Variants in PEG3 observed in about 807,000 individuals in gnomAD.
PEG3 encodes paternally-expressed gene 3 protein.
In PEG3, 23 loss-of-function variants were observed where a neutral mutation model predicts 35.5. The observed-to-expected ratio is 0.65, with a 90% CI of 0.47 to 0.92. The LOEUF is 0.92. Ranked by LOEUF, PEG3 falls within the 40% of genes least tolerant of loss-of-function variation. The probability of loss-of-function intolerance (pLI) is 0.00; values close to 1 mark genes in which losing one functional copy is unlikely to be tolerated. For synonymous variants in PEG3, 707 were observed against 697.0 expected, an observed-to-expected ratio of 1.01 and a Z score of -0.23; for missense variants, 1,960 against 1,985.3, an observed-to-expected ratio of 0.99 and a Z score of 0.24.
At chr19:56,831,894 C>T (rs887486288) in intron 2 of PEG3, among the ~76,000 whole-genome samples, 24 of 152,110 alleles carry the variant, frequency 1.6e-4, no homozygotes, top group African/African-American at 5.8e-4. Flanking sequence ...TGAGAATGTC[C>T]ACACAATGGA....
rs35291043 is a variant in PEG3, at chr19:56,817,509, G to C, written c.933C>G (p.His311Gln). 1.9e-6 allele frequency: 3 copies of C among 1,609,744 alleles called. No individual in the cohort carries two copies. Among genetic ancestry groups the C allele is most frequent in the Non-Finnish European group, 2.5e-6 (3 of 1,177,334 alleles). ...TGATGAATTTTTCCATTATCACTCCGTGGGAAGATTCATCTTCACAAATCC... is the reference window on the plus strand; with the variant it reads ...TGATGAATTTTTCCATTATCACTCCCTGGGAAGATTCATCTTCACAAATCC... ...RRGICEDESS[H>Q]GVIMEKFIKD... Residue 311 changes from histidine to glutamine, a missense_variant, in exon 10 of 10, where the codon CAC becomes CAG. Coordinates refer to ENST00000326441, the MANE Select transcript of PEG3 (RefSeq NM_006210.3).
At chr19:56,822,537 A>T in intron 6 of PEG3, 1 of 520,172 alleles carries the variant, frequency 1.9e-6, no homozygotes, top group Non-Finnish European at 3.3e-6. Context: ...ATACTGAGCA[A>T]ATAGTTTAGG....
chr19:56,828,381 C>A (rs757131219), intron 2 of PEG3, among the ~76,000 whole-genome samples: 1 of 152,194 alleles, frequency 6.6e-6, no homozygotes, highest in Non-Finnish European at 1.5e-5. Context: ...AAATACAATG[C>A]CATCCCCTAT....
intron 2 of PEG3, among the ~76,000 whole-genome samples, chr19:56,828,218 T>C (rs1371795855): frequency 6.6e-6 from 1 of 152,092 alleles, no homozygotes; most frequent in Non-Finnish European, 1.5e-5. Context: ...TCCATAGTCA[T>C]ACCCTAACCT....
chr19:56,810,956 G>T lies in PEG3; in HGVS notation c.*2719C>A. Reference sequence around the variant, plus strand: ...AACATTTGAAAAAATTAAAGTGAAAGTATTTAACCATAATTCCACAAAGGT... The same window carrying T: ...AACATTTGAAAAAATTAAAGTGAAATTATTTAACCATAATTCCACAAAGGT... On this transcript the variant is annotated 3_prime_UTR_variant, in exon 10 of 10. Transcript: ENST00000326441. The T allele has an allele frequency of 1.0e-6, 1 of 969,846 alleles. No homozygotes were observed. Among genetic ancestry groups the T allele is most frequent in the African/African-American group, 1.8e-5 (1 of 57,036 alleles). The allele number at this position is 969,846 out of a possible 1,614,324, so 60.1% of individuals were successfully genotyped here.
Position 56,816,134 on chromosome 19 carries a change from C to T in PEG3, c.2308G>A (p.Glu770Lys), listed in dbSNP as rs1343608787. 6.2e-6 allele frequency: 10 copies of T among 1,613,638 alleles called. No individual in the cohort carries two copies. Among genetic ancestry groups the T allele is most frequent in the East Asian group, 4.5e-5 (2 of 44,884 alleles). Residue 770 changes from glutamate (E) to lysine (K), a missense_variant, in exon 10 of 10, where the codon GAG becomes AAG. Physicochemically the swap from Glu to Lys is moderately conservative, Grantham distance 56 (BLOSUM62 1). Around this residue, in one of 5 missense-constraint regions of PEG3, gnomAD observed 798 missense variants for 782.4 expected, o/e 1.02. Coordinates refer to ENST00000326441, the MANE Select transcript of PEG3 (RefSeq NM_006210.3). The stretch of plus-strand genomic sequence containing the variant: ...ACAGACCTCTCATATGATTTTGCCT[C>T]ATAGACATTTTCCTTAGTGGGAATC... ...QKIPTKENVY[E>K]AKSYERSVIH...
At position 56,816,349 on chromosome 19, in the gene PEG3, G is replaced by A. The variant is rs774944069; in HGVS notation, c.2093C>T (p.Ser698Leu). 7.4e-6 allele frequency: 12 copies of A among 1,614,014 alleles called. No homozygotes were observed. The highest frequency in any genetic ancestry group is 2.2e-5 in the East Asian group (1 of 44,886). ...AATTTTCTGATGCTCACTGAGCTCT[G>A]AGCTTTGCATGAAGGCATCCCGGCC... is the stretch of plus-strand genomic sequence containing the variant. ...TDGRDAFMQS[S>L]ELSEHQKIHS... Residue 698 changes from serine to leucine, a missense_variant, in exon 10 of 10, where the codon TCA becomes TTA. Physicochemically the swap from Ser to Leu is moderately radical, Grantham distance 145. This residue lies in a region of PEG3 where 798 missense variants were observed against 782.4 expected (regional missense o/e 1.02). Coordinates refer to ENST00000326441, the MANE Select transcript of PEG3 (RefSeq NM_006210.3).
chr19:56,822,692 G>GA, intron 6 of PEG3, 61 bp downstream of exon 6: 1 of 1,593,026 alleles, frequency 6.3e-7, no homozygotes, highest in Non-Finnish European at 8.6e-7. Context: ...CTTTCCCCTT[G>GA]AACCTGTGCA....
At chr19:56,832,305 C>G (rs947674273) in intron 2 of PEG3, among the ~76,000 whole-genome samples, 2 of 152,162 alleles carry the variant, frequency 1.3e-5, no homozygotes, top group African/African-American at 4.8e-5. Flanking sequence ...CAATCTCCCT[C>G]TGACCCTTAA....
At chr19:56,839,101 C>T (rs546706083) in intron 1 of PEG3, among the ~76,000 whole-genome samples, 24 of 151,372 alleles carry the variant, frequency 1.6e-4, no homozygotes, top group Non-Finnish European at 2.2e-4. Context: ...ACAGCGCCTG[C>T]GCAGCAAATC....
chr19:56,825,610 C>A (rs1410901027), intron 3 of PEG3, among the ~76,000 whole-genome samples: 1 of 152,038 alleles, frequency 6.6e-6, no homozygotes, highest in East Asian at 1.9e-4. Flanking sequence ...TTCCTTAAAG[C>A]ATTTTTGCTA....
rs746782121 is a variant in PEG3, at chr19:56,816,850, T to C, written c.1592A>G (p.Tyr531Cys). Residue 531 changes from tyrosine (Y) to cysteine (C), a missense_variant, in exon 10 of 10, where the codon TAT becomes TGT. Around this residue, in one of 5 missense-constraint regions of PEG3, gnomAD observed 798 missense variants for 782.4 expected, o/e 1.02. Coordinates refer to ENST00000326441, the MANE Select transcript of PEG3 (RefSeq NM_006210.3). ...TTCCTGATTCTTACATTCCACAAGA[T>C]AACCTCTAGCATGAATCTTCCGATG... ...AEHRKIHARG[Y>C]LVECKNQECE... 2 of 1,614,190 alleles carry C rather than the reference T, an allele frequency of 1.2e-6. No homozygotes were observed. The highest frequency in any genetic ancestry group is 1.1e-5 in the South Asian group (1 of 91,078).
At position 56,821,710 on chromosome 19, in the gene PEG3, T is replaced by G. The variant is rs374196455; in HGVS notation, c.610A>C (p.Ser204Arg). The G allele has an allele frequency of 6.2e-7, 1 of 1,613,888 alleles. No homozygotes were observed. Among genetic ancestry groups the G allele is most frequent in the Non-Finnish European group, 8.5e-7 (1 of 1,180,014 alleles). ...TCGTCCTCTCTGTCCATTTCAAAGC[T>G]TGTTTTCGCCACCACAGGAAGGGAA... ...DLSLPVVAKT[S>R]FEMDREDDRD... is the part of the protein sequence containing the mutation. Residue 204 changes from serine (S) to arginine (R), a missense_variant, in exon 7 of 10, where the codon AGC becomes CGC. Transcript: ENST00000326441.
At chr19:56,836,969 CAA>C (rs573566620) in intron 1 of PEG3, among the ~76,000 whole-genome samples, 272 of 116,592 alleles carry the variant, frequency 2.3e-3, no homozygotes, top group African/African-American at 8.9e-3. Flanking sequence ...GACTCTGTCT[CAA>C]AAAAAAAAAA....
In PEG3 at chr19:56,818,640, G is replaced by C; in HGVS notation, c.732C>G (p.Ile244Met). Residue 244 changes from isoleucine (I) to methionine (M), a missense_variant, in exon 8 of 10, where the codon ATC (isoleucine) becomes ATG (methionine). Ile to Met is a conservative substitution (Grantham distance 10). This residue lies in a region of PEG3 where 613 missense variants were observed against 577.1 expected (regional missense o/e 1.06). Coordinates refer to ENST00000326441, the MANE Select transcript of PEG3 (RefSeq NM_006210.3). Reference protein sequence around the residue: ...LAEDRKPHNTIQDNMENYRKL... With the variant: ...LAEDRKPHNTMQDNMENYRKL... ...TCCTGTAGTTTTCCATGTTGTCCTG[G>C]ATTGTGTTGTGAGGTTTCCTGTCCT... 6.2e-7 allele frequency: 1 copy of C among 1,614,140 alleles called. No individual in the cohort carries two copies. Among genetic ancestry groups the C allele is most frequent in the Non-Finnish European group, 8.5e-7 (1 of 1,180,040 alleles).
In PEG3 at chr19:56,812,141, AT is replaced by A. The variant is rs1035128338; in HGVS notation, c.*1533del. 9 of 965,764 alleles carry A rather than the reference AT, an allele frequency of 9.3e-6. No individual in the cohort carries two copies. The highest frequency in any genetic ancestry group is 1.1e-4 in the East Asian group (1 of 8,718). 59.8% of individuals were successfully genotyped at this position (965,764 alleles called of 1,614,324 possible). A position where few individuals can be genotyped will look rare whatever the true frequency, so the allele number is the denominator to read the frequency against. On this transcript the variant is annotated 3_prime_UTR_variant, in exon 10 of 10. Transcript: ENST00000326441. The stretch of plus-strand genomic sequence containing the variant: ...TTTTTTTAAATTTTTTAAATTTTAT[AT>A]TTTTTTTCCAGCCAACTCAAGGCCA...
chr19:56,834,812 A>G (rs1475716300), intron 2 of PEG3, among the ~76,000 whole-genome samples: 1 of 152,078 alleles, frequency 6.6e-6, no homozygotes, highest in Non-Finnish European at 1.5e-5. Flanking sequence ...TGGTAAACAC[A>G]TTCTTACTCT....
At position 56,815,540 on chromosome 19, in the gene PEG3, G is replaced by A; in HGVS notation, c.2902C>T (p.Leu968Phe). The A allele has an allele frequency of 6.2e-7, 1 of 1,614,036 alleles. No homozygotes were observed. The highest frequency in any genetic ancestry group is 8.5e-7 in the Non-Finnish European group (1 of 1,179,938). Residue 968 changes from leucine (L) to phenylalanine (F), a missense_variant, in exon 10 of 10, where the codon CTC (leucine) becomes TTC (phenylalanine). By Grantham distance (22) the Leu-to-Phe change is conservative. This residue lies in a region of PEG3 where 798 missense variants were observed against 782.4 expected (regional missense o/e 1.02). Coordinates refer to ENST00000326441, the MANE Select transcript of PEG3 (RefSeq NM_006210.3). Reference protein sequence around the residue: ...GEQTFRPRGMLYECQECGECF... With the variant: ...GEQTFRPRGMFYECQECGECF... The stretch of plus-strand genomic sequence containing the variant: ...TCCCCACACTCCTGACATTCATAGA[G>A]CATCCCTCGAGGGCGAAATGTTTGT...
intron 8 of PEG3, among the ~76,000 whole-genome samples, 193 bp downstream of exon 8, chr19:56,818,407 C>CA (rs1443533487): frequency 6.6e-6 from 1 of 152,166 alleles, no homozygotes; most frequent in African/African-American, 2.4e-5. Context: ...TATCTTTACC[C>CA]AAAGCCAGAG....
Sources: allele counts gnomAD v4.1 joint callset (sites outside exome capture counted in the v4.1 genomes callset), GRCh38; gene constraint gnomAD v4.1.1; regional missense constraint gnomAD v4.1.1; transcripts MANE v1.5; gene names NCBI Gene and HGNC (gene_info 2026-07-23, HGNC 2026-07-21).